Variants in PDE1A observed in about 807,000 individuals in gnomAD.
PDE1A encodes phosphodiesterase 1A.
In PDE1A, 35 loss-of-function variants were observed where a neutral mutation model predicts 61.7. That is an observed-to-expected ratio of 0.57 (90% CI 0.43 to 0.75). The LOEUF is 0.75. Ranked by LOEUF, PDE1A falls within the 30% of genes least tolerant of loss-of-function variation. PDE1A has a pLI of 0.00. For missense variants in PDE1A, 597 were observed against 630.6 expected, an observed-to-expected ratio of 0.95 and a Z score of 0.57; for synonymous variants, 232 against 213.2, an observed-to-expected ratio of 1.09 and a Z score of -0.77.
the PDE1A span, among the ~76,000 whole-genome samples, chr2:182,575,343 CAA>C: frequency 6.6e-6 from 1 of 151,944 alleles, no homozygotes; most frequent in Non-Finnish European, 1.5e-5. Flanking sequence ...TAGTCTGGGT[CAA>C]TCACCCCAGC....
the PDE1A span, among the ~76,000 whole-genome samples, chr2:182,584,084 A>G: frequency 1.3e-5 from 2 of 152,220 alleles, no homozygotes; most frequent in African/African-American, 4.8e-5. Context: ...AGGCAGCTCT[A>G]GAGATCTTGC....
the PDE1A span, among the ~76,000 whole-genome samples, chr2:182,606,495 T>C: frequency 6.6e-6 from 1 of 152,184 alleles, no homozygotes; most frequent in Non-Finnish European, 1.5e-5. Context: ...GGTATTTATA[T>C]AATGAAAATT....
At chr2:182,476,158 T>A (rs767293387) in intron 2 of PDE1A, among the ~76,000 whole-genome samples, 2 of 151,918 alleles carry the variant, frequency 1.3e-5, no homozygotes, top group African/African-American at 4.8e-5. Context: ...ATGTTCTGTA[T>A]CCACAGGTTG....
At chr2:182,569,260 T>TATATATATATATATATATATAC in the PDE1A span, among the ~76,000 whole-genome samples, 970 of 147,450 alleles carry the variant, frequency 6.6e-3, 6 homozygotes, top group Middle Eastern at 0.021. Context: ...CTCAAATATA[T>TATATATATATATATATATATAC]ATATATATAT....
chr2:182,536,586 A>G, the PDE1A span, among the ~76,000 whole-genome samples: 1 of 152,220 alleles, frequency 6.6e-6, no homozygotes, highest in South Asian at 2.1e-4. Flanking sequence ...TAAATAGAGC[A>G]AAGTCTGCAC....
At chr2:182,506,753 T>C (rs1365926500) in intron 2 of PDE1A, among the ~76,000 whole-genome samples, 1 of 152,222 alleles carries the variant, frequency 6.6e-6, no homozygotes, top group African/African-American at 2.4e-5. Context: ...CCTAGAAAAC[T>C]GGGAACTGGG....
At chr2:182,653,038 C>T in the PDE1A span, among the ~76,000 whole-genome samples, 1 of 152,156 alleles carries the variant, frequency 6.6e-6, no homozygotes, top group Non-Finnish European at 1.5e-5. Flanking sequence ...GATCATGGGG[C>T]TCATTTCCCC....
chr2:182,151,741 T>G (rs1690791014), intron 13 of PDE1A, among the ~76,000 whole-genome samples: 1 of 152,228 alleles, frequency 6.6e-6, no homozygotes, highest in Admixed American at 6.5e-5. Flanking sequence ...TGTATTTTTC[T>G]AATACCTCAA....
At chr2:182,200,251 G>C (rs562860597) in intron 10 of PDE1A, among the ~76,000 whole-genome samples, 2 of 152,260 alleles carry the variant, frequency 1.3e-5, no homozygotes, top group African/African-American at 4.8e-5. Context: ...CTAGGCTAAT[G>C]AGGCAACTCT....
At chr2:182,614,008 G>T in the PDE1A span, among the ~76,000 whole-genome samples, 4 of 152,198 alleles carry the variant, frequency 2.6e-5, no homozygotes, top group South Asian at 2.1e-4. Context: ...TGGGGTGGAG[G>T]TATCCTATCT....
At chr2:182,430,484 T>C (rs1403988669), upstream of PDE1A, among the ~76,000 whole-genome samples, 61 of 76,306 alleles carry the variant, frequency 8.0e-4, no homozygotes, top group African/African-American at 2.9e-3. Flanking sequence ...TGTGGAGAAA[T>C]AGGAACACTT....
the PDE1A span, among the ~76,000 whole-genome samples, chr2:182,626,732 T>C: frequency 3.5e-4 from 2 of 5,724 alleles, no homozygotes; most frequent in Non-Finnish European, 3.0e-3. Flanking sequence ...TATATATATA[T>C]ATATACATAT....
At chr2:182,569,810 G>C in the PDE1A span, among the ~76,000 whole-genome samples, 6 of 152,144 alleles carry the variant, frequency 3.9e-5, no homozygotes, top group African/African-American at 1.4e-4. Context: ...TAACATCTTG[G>C]TTCAATACAT....
chr2:182,488,323 A>G (rs1337553143), intron 2 of PDE1A, among the ~76,000 whole-genome samples: 1 of 152,194 alleles, frequency 6.6e-6, no homozygotes, highest in African/African-American at 2.4e-5. Context: ...TTAATTTACC[A>G]AGGGCTACAG....
the PDE1A span, among the ~76,000 whole-genome samples, chr2:182,602,102 G>T: frequency 6.6e-6 from 1 of 152,164 alleles, no homozygotes; most frequent in East Asian, 1.9e-4. Context: ...TTTGCTCCAA[G>T]ATGAGAGCAG....
At chr2:182,425,363 G>T (rs1359410103) in intron 1 of PDE1A, among the ~76,000 whole-genome samples, 1 of 152,158 alleles carries the variant, frequency 6.6e-6, no homozygotes, top group Admixed American at 6.5e-5. Flanking sequence ...AATATGGTAG[G>T]TGAATATATT....
intron 2 of PDE1A, among the ~76,000 whole-genome samples, chr2:182,255,481 C>T (rs552263999): frequency 7.2e-5 from 11 of 152,084 alleles, no homozygotes; most frequent in Non-Finnish European, 1.2e-4. Context: ...ATTATTCATA[C>T]GTTAGCCATA....
intron 2 of PDE1A, among the ~76,000 whole-genome samples, chr2:182,480,465 T>A (rs770800870): frequency 3.9e-5 from 6 of 151,920 alleles, no homozygotes; most frequent in Admixed American, 1.3e-4. Context: ...GCCTACTGTA[T>A]CTCTGGGTTC....
At chr2:182,203,663 CTAA>C (rs1686860273) in intron 8 of PDE1A, among the ~76,000 whole-genome samples, 2 of 151,936 alleles carry the variant, frequency 1.3e-5, no homozygotes, top group African/African-American at 2.4e-5. Context: ...CAATAACCAA[CTAA>C]TAATATGTCA....
Sources: gnomAD v4.1 joint callset for allele counts (sites outside exome capture counted in the v4.1 genomes callset) on GRCh38, gnomAD v4.1.1 for gene constraint, MANE v1.5 for transcripts, NCBI Gene and HGNC (gene_info 2026-07-23, HGNC 2026-07-21) for gene names.